GRM1: variants seen among roughly 807,000 people sequenced by gnomAD.
GRM1 encodes the protein glutamate metabotropic receptor 1.
GRM1 carries 33 observed loss-of-function variants against 90.9 expected under a neutral mutation model. The ratio of observed to expected loss-of-function variants is 0.36; its 90% CI spans 0.28 to 0.49. The LOEUF (loss-of-function observed/expected upper bound fraction) is 0.49. Ranked by LOEUF, GRM1 falls within the 20% of genes least tolerant of loss-of-function variation. The probability of loss-of-function intolerance (pLI) is 0.99; values close to 1 mark genes in which losing one functional copy is unlikely to be tolerated. For synonymous variants in GRM1, 700 were observed against 613.2 expected (o/e 1.14, Z -2.09); for missense variants, 1,190 against 1,534.3 (o/e 0.78, Z 3.75).
chr6:146,255,145 C>G (rs1781435859), intron 2 of GRM1, among the ~76,000 whole-genome samples: 1 of 152,160 alleles, frequency 6.6e-6, no homozygotes, highest in Non-Finnish European at 1.5e-5. Context: ...AAATGAGATT[C>G]CTGAGGCTAA....
chr6:146,078,734 CTT>C lies in GRM1; in HGVS notation c.700+48519_700+48520del, dbSNP rs1399858263. On this transcript the variant is annotated intron_variant, in intron 1 of 7. Transcript: ENST00000282753. ...TTAATAAAACAATGCGGTGGGATCA[CTT>C]TAGTGATTCCAATCATGTAGTTTGT... Among the ~76,000 whole-genome samples, 3 of 152,100 alleles carry C rather than the reference CTT, an allele frequency of 2.0e-5. No homozygotes were observed. The South Asian group carries it at 6.2e-4, about 32-fold the overall frequency.
At chr6:146,248,220 A>G (rs1781142295) in intron 2 of GRM1, among the ~76,000 whole-genome samples, 3 of 152,162 alleles carry the variant, frequency 2.0e-5, no homozygotes, top group African/African-American at 7.2e-5. Context: ...CCCTATTGTG[A>G]TAAGCCCTTA....
intron 1 of GRM1, among the ~76,000 whole-genome samples, chr6:146,058,829 C>G (rs1775571199): frequency 6.6e-6 from 1 of 152,078 alleles, no homozygotes; most frequent in Admixed American, 6.6e-5. Context: ...CTTAAGATTC[C>G]ATTTTCTTAG....
chr6:146,291,284 T>C (rs555061113), intron 2 of GRM1, among the ~76,000 whole-genome samples: 24 of 151,922 alleles, frequency 1.6e-4, no homozygotes, highest in African/African-American at 5.5e-4. Context: ...CAATTTAATA[T>C]ATTATTTTTA....
At chr6:146,314,257 G>A (rs1034039926) in intron 3 of GRM1, among the ~76,000 whole-genome samples, 4 of 149,824 alleles carry the variant, frequency 2.7e-5, no homozygotes, top group South Asian at 4.2e-4. Context: ...GGTATTTTTA[G>A]TAGAGATGGG....
Position 146,245,266 on chromosome 6 carries a change from A to G in GRM1, c.951-59345A>G, listed in dbSNP as rs180771625. Among the ~76,000 whole-genome samples, 295 of 152,296 alleles carry G rather than the reference A, an allele frequency of 1.9e-3. 1 individual carries two copies. Among genetic ancestry groups the G allele is most frequent in the South Asian group, 0.013 (64 of 4,832 alleles). On this transcript the variant is annotated intron_variant, in intron 2 of 7. Transcript: ENST00000282753. ...CAAGACATAGGTTTAAGCTCATACA[A>G]AAAAGTAGGAAGTGTGGCAGCAACA...
At chr6:146,398,624 G>A (rs567040222) in intron 6 of GRM1, 145 bp from the exon 7 acceptor site, 8 of 727,022 alleles carry the variant, frequency 1.1e-5, no homozygotes, top group Non-Finnish European at 2.0e-5. Flanking sequence ...CTTTATTTGT[G>A]TAATAGTGTG....
chr6:146,367,242 G>A (rs1055672358), intron 5 of GRM1, among the ~76,000 whole-genome samples: 7 of 151,862 alleles, frequency 4.6e-5, no homozygotes, highest in East Asian at 1.9e-4. Flanking sequence ...GGACTCTCTC[G>A]TCTGTTCCAC....
At chr6:146,295,553 C>T (rs2114899097) in intron 2 of GRM1, among the ~76,000 whole-genome samples, 1 of 152,144 alleles carries the variant, frequency 6.6e-6, no homozygotes, top group South Asian at 2.1e-4. Context: ...TTTAACTATT[C>T]CATATCACTA....
At chr6:146,154,849 C>G (rs1777464150) in intron 1 of GRM1, among the ~76,000 whole-genome samples, 1 of 152,112 alleles carries the variant, frequency 6.6e-6, no homozygotes, top group Admixed American at 6.5e-5. Context: ...TTATACCTTG[C>G]CAACACTGAA....
intron 4 of GRM1, among the ~76,000 whole-genome samples, chr6:146,356,137 C>T (rs1033650456): frequency 8.6e-5 from 13 of 152,046 alleles, no homozygotes; most frequent in African/African-American, 2.9e-4. Flanking sequence ...AGTTGTTCTC[C>T]AGTATTCGTA....
intron 6 of GRM1, among the ~76,000 whole-genome samples, chr6:146,397,155 T>C (rs538747064): frequency 6.6e-6 from 1 of 152,174 alleles, no homozygotes; most frequent in East Asian, 1.9e-4. Flanking sequence ...ATATGAAACA[T>C]GGTGAGACTA....
intron 2 of GRM1, among the ~76,000 whole-genome samples, chr6:146,209,720 G>A (rs1180700518): frequency 6.6e-6 from 1 of 152,058 alleles, no homozygotes; most frequent in Non-Finnish European, 1.5e-5. Flanking sequence ...TTAGGATTTT[G>A]TACATTTACA....
At chr6:146,110,928 G>T (rs945856005) in intron 1 of GRM1, among the ~76,000 whole-genome samples, 1 of 152,212 alleles carries the variant, frequency 6.6e-6, no homozygotes, top group South Asian at 2.1e-4. Context: ...GAGAGAGAAG[G>T]GTTTTAAAGA....
chr6:146,363,280 A>G (rs956632240), intron 5 of GRM1, among the ~76,000 whole-genome samples: 1 of 152,126 alleles, frequency 6.6e-6, no homozygotes, highest in East Asian at 1.9e-4. Flanking sequence ...CAGATTCCAG[A>G]GCATTTGTCA....
chr6:146,322,937 A>C (rs1784252982), intron 3 of GRM1, among the ~76,000 whole-genome samples: 1 of 152,058 alleles, frequency 6.6e-6, no homozygotes, highest in Non-Finnish European at 1.5e-5. Flanking sequence ...TGAACTCATC[A>C]TTTTTTATGG....
chr6:146,179,043 C>G lies in GRM1; in HGVS notation c.950+19446C>G, dbSNP rs145782631. On this transcript the variant is annotated intron_variant, in intron 2 of 7. Transcript: ENST00000282753. ...AGTGGTCAGAACCCAGACATATGGA[C>G]TTTTTGTCCTGGAAGTAATCCATTT... is the stretch of plus-strand genomic sequence containing the variant. Among the ~76,000 whole-genome samples, 234 of 152,276 alleles carry G rather than the reference C, an allele frequency of 1.5e-3. 6 individuals carry two copies. Among genetic ancestry groups the G allele is most frequent in the East Asian group, 7.7e-4 (4 of 5,184 alleles).
intron 2 of GRM1, among the ~76,000 whole-genome samples, chr6:146,243,704 A>G (rs1169998678): frequency 6.6e-6 from 1 of 152,158 alleles, no homozygotes; most frequent in Non-Finnish European, 1.5e-5. Flanking sequence ...TCCACTGGGC[A>G]CGCATCGTCA....
At chr6:146,043,801 A>G (rs909350047) in intron 1 of GRM1, among the ~76,000 whole-genome samples, 4 of 145,958 alleles carry the variant, frequency 2.7e-5, no homozygotes, top group African/African-American at 9.9e-5. Flanking sequence ...ATATATATAT[A>G]TATATATATA....
Sources: allele counts gnomAD v4.1 joint callset (sites outside exome capture counted in the v4.1 genomes callset), GRCh38; gene constraint gnomAD v4.1.1; transcripts MANE v1.5; gene names NCBI Gene and HGNC (gene_info 2026-07-23, HGNC 2026-07-21).